PDZRN4: variants seen among roughly 807,000 people sequenced by gnomAD.
The protein encoded by PDZRN4 is PDZ domain-containing RING finger protein 4.
Under a neutral mutation model 99.0 loss-of-function variants are expected in PDZRN4, and 70 were observed. That is an observed-to-expected ratio of 0.71 (90% CI 0.58 to 0.86). PDZRN4 has a LOEUF of 0.86. PDZRN4 is among the 40% of genes least tolerant of loss of function. The pLI, the probability that PDZRN4 is intolerant of heterozygous loss-of-function variation, is 0.00. For missense variants in PDZRN4, 1,474 were observed against 1,331.2 expected (o/e 1.11, Z -1.67); for synonymous variants, 551 against 501.6 (o/e 1.10, Z -1.32).
chr12:41,400,989 T>C (rs1456582646), intron 3 of PDZRN4, among the ~76,000 whole-genome samples: 1 of 152,180 alleles, frequency 6.6e-6, no homozygotes, highest in Non-Finnish European at 1.5e-5. Flanking sequence ...GTAGTTGGCA[T>C]TCTCATTCAT....
chr12:41,214,429 C>CAAAAAAAAAAAAAAAA (rs1950907530), intron 3 of PDZRN4, among the ~76,000 whole-genome samples: 1 of 16,196 alleles, frequency 6.2e-5, no homozygotes, highest in Non-Finnish European at 1.2e-4. Context: ...ACCCTGTCCC[C>CAAAAAAAAAAAAAAAA]TAAAAAAAAA....
intron 3 of PDZRN4, among the ~76,000 whole-genome samples, chr12:41,262,088 G>A (rs1224576484): frequency 6.6e-6 from 1 of 152,166 alleles, no homozygotes; most frequent in Non-Finnish European, 1.5e-5. Context: ...CCTCCCCCGT[G>A]ATTCCATTTG....
intron 5 of PDZRN4, among the ~76,000 whole-genome samples, chr12:41,551,252 C>T (rs915966574): frequency 9.9e-5 from 15 of 152,024 alleles, no homozygotes; most frequent in African/African-American, 3.6e-4. Flanking sequence ...GGGCCTCTTC[C>T]TAAGGGCACT....
At chr12:41,544,322 G>T (rs763593162) in intron 5 of PDZRN4, among the ~76,000 whole-genome samples, 8 of 152,126 alleles carry the variant, frequency 5.3e-5, no homozygotes, top group Non-Finnish European at 1.2e-4. Context: ...TCTATTGTTT[G>T]TACAGCTTTC....
At chr12:41,534,187 A>G (rs557227997) in intron 5 of PDZRN4, among the ~76,000 whole-genome samples, 18 of 152,292 alleles carry the variant, frequency 1.2e-4, no homozygotes, top group African/African-American at 3.4e-4. Flanking sequence ...TGCTATATAC[A>G]TTCCAGATTT....
intron 5 of PDZRN4, among the ~76,000 whole-genome samples, chr12:41,527,459 C>A (rs1938588340): frequency 6.6e-6 from 1 of 151,928 alleles, no homozygotes; most frequent in East Asian, 1.9e-4. Context: ...TTTGCAGGAA[C>A]AAAACCCAAA....
chr12:41,488,166 A>G (rs1937812137), intron 3 of PDZRN4, among the ~76,000 whole-genome samples: 1 of 152,210 alleles, frequency 6.6e-6, no homozygotes. Context: ...CATCTCCTCC[A>G]CATTCCATTA....
chr12:41,278,243 T>C (rs905358130), intron 3 of PDZRN4, among the ~76,000 whole-genome samples: 2 of 152,222 alleles, frequency 1.3e-5, no homozygotes, highest in African/African-American at 4.8e-5. Flanking sequence ...CTAAGTCTTA[T>C]GTTATATTCA....
At chr12:41,215,209 A>G (rs997706102) in intron 3 of PDZRN4, among the ~76,000 whole-genome samples, 1 of 152,072 alleles carries the variant, frequency 6.6e-6, no homozygotes, top group Non-Finnish European at 1.5e-5. Flanking sequence ...ATATCTTGGT[A>G]TTAAGGAATG....
At chr12:41,565,685 A>G (rs564855941) in intron 8 of PDZRN4, among the ~76,000 whole-genome samples, 131 of 152,192 alleles carry the variant, frequency 8.6e-4, no homozygotes, top group African/African-American at 3.1e-3. Flanking sequence ...ATATTTTTAA[A>G]TAACTCATTT....
chr12:41,207,925 T>G (rs1351826165), intron 3 of PDZRN4, among the ~76,000 whole-genome samples: 1 of 150,380 alleles, frequency 6.6e-6, no homozygotes, highest in Non-Finnish European at 1.5e-5. Flanking sequence ...TTCAATTGAA[T>G]TACAGTATTA....
intron 3 of PDZRN4, among the ~76,000 whole-genome samples, chr12:41,295,457 C>T (rs1951486139): frequency 6.6e-6 from 1 of 151,416 alleles, no homozygotes; most frequent in Admixed American, 6.6e-5. Context: ...CTCTGCAGGA[C>T]AAAAGAAAGG....
chr12:41,313,592 C>T (rs755176969), intron 3 of PDZRN4, among the ~76,000 whole-genome samples: 1 of 152,118 alleles, frequency 6.6e-6, no homozygotes, highest in Non-Finnish European at 1.5e-5. Context: ...CTAATAGGCA[C>T]CTCTGTTGAG....
chr12:41,299,226 T>G (rs1388213455), intron 3 of PDZRN4, among the ~76,000 whole-genome samples: 1 of 152,078 alleles, frequency 6.6e-6, no homozygotes, highest in African/African-American at 2.4e-5. Flanking sequence ...TCAAAAACTT[T>G]CTCTGAAATG....
chr12:41,516,269 A>G (rs1452089839), intron 5 of PDZRN4, among the ~76,000 whole-genome samples: 1 of 152,070 alleles, frequency 6.6e-6, no homozygotes, highest in Non-Finnish European at 1.5e-5. Context: ...AGTCTTTCAT[A>G]ATAGAAGTGA....
At chr12:41,483,432 G>A (rs149890147) in intron 3 of PDZRN4, among the ~76,000 whole-genome samples, 1 of 152,210 alleles carries the variant, frequency 6.6e-6, no homozygotes, top group East Asian at 1.9e-4. Context: ...TTTGCAGGGT[G>A]GGAGAGGAAG....
intron 1 of PDZRN4, 93 bp downstream of exon 1, chr12:41,189,196 G>A: frequency 8.1e-7 from 1 of 1,230,676 alleles, no homozygotes; most frequent in Non-Finnish European, 1.1e-6. Context: ...TTTGGAATTG[G>A]GCATCCTTCC....
intron 3 of PDZRN4, among the ~76,000 whole-genome samples, chr12:41,468,730 A>G (rs951441544): frequency 1.3e-5 from 2 of 152,222 alleles, no homozygotes; most frequent in Non-Finnish European, 2.9e-5. Flanking sequence ...CTTCGCATAC[A>G]TTCATAATTT....
chr12:41,296,271 C>T (rs901207468), intron 3 of PDZRN4, among the ~76,000 whole-genome samples: 2 of 152,178 alleles, frequency 1.3e-5, no homozygotes, highest in Non-Finnish European at 1.5e-5. Context: ...TTTACCAATG[C>T]AATTCTGAAG....
Sources: gnomAD v4.1 joint callset for allele counts (sites outside exome capture counted in the v4.1 genomes callset) on GRCh38, gnomAD v4.1.1 for gene constraint, MANE v1.5 for transcripts, NCBI Gene and HGNC (gene_info 2026-07-23, HGNC 2026-07-21) for gene names.